The following NCAM2 variants were observed in gnomAD, a reference collection of about 807,000 sequenced individuals.
NCAM2 encodes neural cell adhesion molecule 2.
NCAM2 carries 30 observed loss-of-function variants against 98.1 expected under a neutral mutation model. The observed-to-expected ratio is 0.31, with a 90% CI of 0.23 to 0.41. The LOEUF (loss-of-function observed/expected upper bound fraction) is 0.41, where lower values mean the gene tolerates loss of function less well. Ranked by LOEUF, NCAM2 falls within the 10% of genes least tolerant of loss-of-function variation. The pLI, the probability that NCAM2 is intolerant of heterozygous loss-of-function variation, is 1.00. For missense variants in NCAM2, 867 were observed against 1,005.8 expected, an observed-to-expected ratio of 0.86 and a Z score of 1.87; for synonymous variants, 368 against 342.4, an observed-to-expected ratio of 1.07 and a Z score of -0.83.
chr21:21,299,798 C>T (rs925280059), intron 5 of NCAM2, among the ~76,000 whole-genome samples: 6 of 151,912 alleles, frequency 3.9e-5, no homozygotes, highest in Non-Finnish European at 8.8e-5. Context: ...GCAGGCTTCA[C>T]AAAGTACAGT....
chr21:21,265,544 T>G (rs188879947), intron 1 of NCAM2, among the ~76,000 whole-genome samples: 7 of 147,884 alleles, frequency 4.7e-5, no homozygotes, highest in African/African-American at 1.7e-4. Context: ...TGTATGTATA[T>G]ATGTATGTAT....
At chr21:21,009,366 G>A (rs1173358079) in intron 1 of NCAM2, among the ~76,000 whole-genome samples, 6 of 151,954 alleles carry the variant, frequency 3.9e-5, no homozygotes, top group Admixed American at 2.6e-4. Flanking sequence ...TAAAGTCATA[G>A]TTATTATCTA....
At chr21:21,244,880 C>T (rs2071205938) in intron 1 of NCAM2, among the ~76,000 whole-genome samples, 1 of 145,400 alleles carries the variant, frequency 6.9e-6, no homozygotes, top group South Asian at 2.2e-4. Context: ...TACGGTATTA[C>T]AGCACTTCAA....
chr21:21,319,725 T>C (rs1478975800), intron 5 of NCAM2, among the ~76,000 whole-genome samples: 3 of 151,940 alleles, frequency 2.0e-5, no homozygotes, highest in Admixed American at 6.6e-5. Flanking sequence ...TTATTTTTGA[T>C]CTTGTACATA....
intron 1 of NCAM2, among the ~76,000 whole-genome samples, chr21:21,245,153 A>C (rs1365781278): frequency 1.3e-5 from 2 of 152,114 alleles, no homozygotes; most frequent in Admixed American, 6.5e-5. Flanking sequence ...ATGCACATGC[A>C]TTCCTCCAAG....
intron 12 of NCAM2, among the ~76,000 whole-genome samples, chr21:21,457,154 A>G (rs1982268252): frequency 1.3e-5 from 2 of 151,402 alleles, no homozygotes; most frequent in Non-Finnish European, 2.9e-5. Context: ...CAAATAGACT[A>G]TTAAGGGAAA....
chr21:21,105,941 A>G (rs1057488197), intron 1 of NCAM2, among the ~76,000 whole-genome samples: 2 of 152,164 alleles, frequency 1.3e-5, no homozygotes, highest in African/African-American at 4.8e-5. Flanking sequence ...TGCTTATGGC[A>G]TAATATATAA....
chr21:21,428,915 A>G (rs1325152867), intron 11 of NCAM2, among the ~76,000 whole-genome samples: 3 of 152,162 alleles, frequency 2.0e-5, no homozygotes, highest in African/African-American at 4.8e-5. Context: ...ACTTTGTTCT[A>G]TGTTACATGT....
intron 9 of NCAM2, among the ~76,000 whole-genome samples, chr21:21,398,490 A>T (rs2076562698): frequency 6.6e-6 from 1 of 152,366 alleles, no homozygotes; most frequent in East Asian, 1.9e-4. Context: ...CCGAAAGCAC[A>T]AAAGAGTTCG....
intron 1 of NCAM2, among the ~76,000 whole-genome samples, chr21:21,027,706 G>A (rs911393860): frequency 1.3e-5 from 2 of 152,102 alleles, no homozygotes; most frequent in African/African-American, 2.4e-5. Flanking sequence ...GCCTGGATAC[G>A]TCATTTGATC....
intron 8 of NCAM2, among the ~76,000 whole-genome samples, chr21:21,371,892 C>A (rs59169508): frequency 1.3e-5 from 2 of 151,186 alleles, no homozygotes; most frequent in Non-Finnish European, 3.0e-5. Flanking sequence ...CACACACACA[C>A]GCTCTGACAC....
intron 1 of NCAM2, among the ~76,000 whole-genome samples, chr21:21,077,765 A>T (rs1174311518): frequency 6.6e-6 from 1 of 152,164 alleles, no homozygotes; most frequent in African/African-American, 2.4e-5. Flanking sequence ...AACTGTTTTT[A>T]AAAATAGATT....
intron 12 of NCAM2, among the ~76,000 whole-genome samples, chr21:21,458,237 G>A (rs1163384257): frequency 6.6e-6 from 1 of 152,208 alleles, no homozygotes; most frequent in Non-Finnish European, 1.5e-5. Context: ...GACATGGTGG[G>A]TGCCCCTTCA....
intron 1 of NCAM2, among the ~76,000 whole-genome samples, chr21:21,109,621 T>G (rs2146521333): frequency 6.6e-6 from 1 of 152,326 alleles, no homozygotes; most frequent in East Asian, 1.9e-4. Context: ...TTCTTTCATT[T>G]TTTACATTGC....
intron 1 of NCAM2, among the ~76,000 whole-genome samples, chr21:21,053,575 A>G (rs972429703): frequency 1.4e-4 from 21 of 151,292 alleles, no homozygotes; most frequent in African/African-American, 4.6e-4. Context: ...CCATTTATTT[A>G]CATATATATT....
rs551779680 is a variant in NCAM2, at chr21:21,325,385, T to C, written c.737+885T>C. On this transcript the variant is annotated intron_variant, in intron 6 of 17. Transcript: ENST00000400546. ...CAAACTAACTTTTATTCTTTTTTGC[T>C]TGAGCATGTACTGATATTACCTTCA... 6.8e-4 allele frequency among the ~76,000 whole-genome samples: 103 copies of C among 152,334 alleles called. 1 individual carries two copies. Among genetic ancestry groups the C allele is most frequent in the African/African-American group, 2.3e-3 (96 of 41,588 alleles).
At chr21:21,478,880 C>T (rs1602460272) in intron 15 of NCAM2, among the ~76,000 whole-genome samples, 1 of 152,032 alleles carries the variant, frequency 6.6e-6, no homozygotes, top group East Asian at 1.9e-4. Context: ...AATCTGATGC[C>T]CTTACAAGAT....
At chr21:21,256,102 C>CTGG (rs1432623794) in intron 1 of NCAM2, among the ~76,000 whole-genome samples, 2 of 152,104 alleles carry the variant, frequency 1.3e-5, no homozygotes, top group Admixed American at 6.6e-5. Context: ...CGCCTGTAAT[C>CTGG]CTAGCACTTT....
chr21:21,459,417 TACAC>T (rs3039016), intron 12 of NCAM2, among the ~76,000 whole-genome samples: 6 of 147,450 alleles, frequency 4.1e-5, no homozygotes, highest in Non-Finnish European at 6.0e-5. Context: ...AATATGTATA[TACAC>T]ACACACACAC....
Sources: gnomAD v4.1 joint callset for allele counts (sites outside exome capture counted in the v4.1 genomes callset) on GRCh38, gnomAD v4.1.1 for gene constraint, MANE v1.5 for transcripts, NCBI Gene and HGNC (gene_info 2026-07-23, HGNC 2026-07-21) for gene names.